The following SYNPR variants were observed in gnomAD, a reference collection of about 807,000 sequenced individuals.
SYNPR encodes the protein synaptoporin.
Under a neutral mutation model 32.9 loss-of-function variants are expected in SYNPR, and 23 were observed. The ratio of observed to expected loss-of-function variants is 0.70; its 90% CI spans 0.50 to 0.99. The LOEUF (loss-of-function observed/expected upper bound fraction) is 0.99. SYNPR is among the 50% of genes least tolerant of loss of function. The pLI is 0.00. For missense variants in SYNPR, 318 were observed against 349.3 expected (o/e 0.91, Z 0.71); for synonymous variants, 146 against 135.9 (o/e 1.07, Z -0.52).
intron 4 of SYNPR, among the ~76,000 whole-genome samples, chr3:63,560,104 T>TG (rs1196863562): frequency 1.3e-5 from 2 of 152,228 alleles, no homozygotes; most frequent in African/African-American, 2.4e-5. Context: ...TATAATACAA[T>TG]GGTAGGTTTT....
intron 2 of SYNPR, among the ~76,000 whole-genome samples, chr3:63,323,618 G>T (rs1332714238): frequency 6.6e-6 from 1 of 151,978 alleles, no homozygotes; most frequent in Non-Finnish European, 1.5e-5. Context: ...TTGAGCATTT[G>T]ATCAGAGTTC....
At chr3:63,207,392 C>T in the SYNPR span, among the ~76,000 whole-genome samples, 2 of 152,134 alleles carry the variant, frequency 1.3e-5, no homozygotes. Context: ...AGAACCAGAG[C>T]AGGTGGATTT....
chr3:63,325,412 G>T (rs1339306031), intron 2 of SYNPR, among the ~76,000 whole-genome samples: 2 of 152,070 alleles, frequency 1.3e-5, no homozygotes, highest in African/African-American at 4.8e-5. Context: ...ACACTCTCAG[G>T]AAAGGTCCGA....
chr3:63,211,796 T>TG, the SYNPR span, among the ~76,000 whole-genome samples: 1 of 142,190 alleles, frequency 7.0e-6, no homozygotes, highest in Non-Finnish European at 1.5e-5. Flanking sequence ...GCCATGCTGG[T>TG]GCGCTGCACC....
intron 1 of SYNPR, among the ~76,000 whole-genome samples, chr3:63,234,278 G>A (rs1004077890): frequency 1.3e-5 from 2 of 152,092 alleles, no homozygotes; most frequent in Non-Finnish European, 2.9e-5. Flanking sequence ...AACAGCACGG[G>A]AAAGACTTGC....
chr3:63,237,552 G>A (rs537791032), intron 1 of SYNPR, among the ~76,000 whole-genome samples: 26 of 151,054 alleles, frequency 1.7e-4, no homozygotes, highest in Non-Finnish European at 1.2e-4. Flanking sequence ...CGTTGGCATC[G>A]GCTGGTTGTC....
chr3:63,430,892 C>T (rs558409863), intron 2 of SYNPR, among the ~76,000 whole-genome samples: 20 of 152,296 alleles, frequency 1.3e-4, no homozygotes, highest in South Asian at 1.2e-3. Flanking sequence ...CCATGAGTAT[C>T]AGCTTCTTTC....
intron 3 of SYNPR, among the ~76,000 whole-genome samples, chr3:63,553,183 A>T (rs150941218): frequency 6.6e-6 from 1 of 152,192 alleles, no homozygotes; most frequent in Non-Finnish European, 1.5e-5. Flanking sequence ...AAGCAAGAAC[A>T]TGCATATTTG....
At chr3:63,540,078 C>T (rs147171041) in intron 3 of SYNPR, among the ~76,000 whole-genome samples, 8 of 152,122 alleles carry the variant, frequency 5.3e-5, no homozygotes, top group East Asian at 3.9e-4. Flanking sequence ...TAGAGGAGTA[C>T]GGCTATTTAT....
chr3:63,504,620 A>G lies in SYNPR; in HGVS notation c.209+23664A>G, dbSNP rs565560220. 3.3e-5 allele frequency among the ~76,000 whole-genome samples: 5 copies of G among 152,314 alleles called. No homozygotes were observed. The East Asian group carries it at 9.7e-4, about 29-fold the overall frequency. On this transcript the variant is annotated intron_variant, in intron 3 of 5. Transcript: ENST00000478300. Reference sequence around the variant, plus strand: ...TATGCATTTACACTGAACAACCCAGATGCAACATAATTAATGAAAAGAGAT... The same window carrying G: ...TATGCATTTACACTGAACAACCCAGGTGCAACATAATTAATGAAAAGAGAT...
At chr3:63,441,748 G>A (rs984074818) in intron 2 of SYNPR, among the ~76,000 whole-genome samples, 4 of 152,212 alleles carry the variant, frequency 2.6e-5, no homozygotes, top group Non-Finnish European at 5.9e-5. Flanking sequence ...GGCATGTACA[G>A]TTTGAAGAAT....
At chr3:63,322,285 A>C (rs1201436896) in intron 2 of SYNPR, among the ~76,000 whole-genome samples, 1 of 152,110 alleles carries the variant, frequency 6.6e-6, no homozygotes, top group East Asian at 1.9e-4. Flanking sequence ...CAGAGGAGGA[A>C]GACATACACA....
At chr3:63,429,212 T>C (rs899253339) in intron 2 of SYNPR, among the ~76,000 whole-genome samples, 2 of 152,198 alleles carry the variant, frequency 1.3e-5, no homozygotes, top group Non-Finnish European at 2.9e-5. Context: ...AAGCATAAGA[T>C]CAACAACTAC....
chr3:63,343,924 G>C lies in SYNPR; in HGVS notation c.84+65182G>C, dbSNP rs530477600. Reference sequence around the variant, plus strand: ...ATTCGTATTCTCTGTGTCTATGCCGGAAACGGCTTGAGCTGTAATTGCAGT... The same window carrying C: ...ATTCGTATTCTCTGTGTCTATGCCGCAAACGGCTTGAGCTGTAATTGCAGT... On this transcript the variant is annotated intron_variant, in intron 2 of 5. Transcript: ENST00000478300. Among the ~76,000 whole-genome samples, 3 of 152,344 alleles carry C rather than the reference G, an allele frequency of 2.0e-5. No homozygotes were observed. In the East Asian group the frequency reaches 5.8e-4, roughly 29 times the overall value.
intron 2 of SYNPR, among the ~76,000 whole-genome samples, chr3:63,445,331 A>G (rs1700255662): frequency 6.6e-6 from 1 of 152,210 alleles, no homozygotes; most frequent in South Asian, 2.1e-4. Context: ...AGGAAGAACA[A>G]AAAGGCATCT....
chr3:63,462,488 G>A (rs935448221), intron 2 of SYNPR, among the ~76,000 whole-genome samples: 1 of 152,084 alleles, frequency 6.6e-6, no homozygotes, highest in African/African-American at 2.4e-5. Context: ...GATACAGACT[G>A]TCCCCAAAAG....
At chr3:63,316,122 G>A (rs370072857) in intron 2 of SYNPR, among the ~76,000 whole-genome samples, 3 of 152,122 alleles carry the variant, frequency 2.0e-5, no homozygotes, top group African/African-American at 7.2e-5. Flanking sequence ...TTTTTGATAG[G>A]TTGTTGGATT....
At chr3:63,245,680 T>TGAGAGAGAGAGAGAGAGAGA (rs71992869) in intron 1 of SYNPR, among the ~76,000 whole-genome samples, 1 of 123,284 alleles carries the variant, frequency 8.1e-6, no homozygotes, top group African/African-American at 3.1e-5. Flanking sequence ...CTTTGTCAAG[T>TGAGAGAGAGAGAGAGAGAGA]GAGAGAGAGA....
At chr3:63,415,950 A>G (rs765695676) in intron 2 of SYNPR, among the ~76,000 whole-genome samples, 6 of 152,216 alleles carry the variant, frequency 3.9e-5, no homozygotes, top group Non-Finnish European at 8.8e-5. Context: ...AAGTTGCCTG[A>G]TTCACTTAGC....
Sources: gnomAD v4.1 joint callset for allele counts (sites outside exome capture counted in the v4.1 genomes callset) on GRCh38, gnomAD v4.1.1 for gene constraint, MANE v1.5 for transcripts, NCBI Gene and HGNC (gene_info 2026-07-23, HGNC 2026-07-21) for gene names.